UHRF2: variants seen among roughly 807,000 people sequenced by gnomAD.
The protein encoded by UHRF2 is E3 ubiquitin-protein ligase UHRF2.
A neutral mutation model predicts 96.8 loss-of-function variants in UHRF2; 23 were observed. That is an observed-to-expected ratio of 0.24 (90% CI 0.17 to 0.34). UHRF2 has a LOEUF of 0.34. Among genes scored for constraint, UHRF2 ranks in the 10% least tolerant of loss-of-function variants. The probability of loss-of-function intolerance (pLI) is 1.00; values close to 1 mark genes in which losing one functional copy is unlikely to be tolerated. For missense variants in UHRF2, 685 were observed against 981.5 expected (o/e 0.70, Z 4.04); for synonymous variants, 385 against 332.6 (o/e 1.16, Z -1.72).
At chr9:6,502,850 A>G (rs1191447075) in intron 14 of UHRF2, among the ~76,000 whole-genome samples, 2 of 152,168 alleles carry the variant, frequency 1.3e-5, no homozygotes, top group Non-Finnish European at 2.9e-5. Flanking sequence ...TCTCCACATA[A>G]TTGCCATATT....
intron 5 of UHRF2, among the ~76,000 whole-genome samples, chr9:6,476,567 T>C (rs968070536): frequency 6.6e-6 from 1 of 152,130 alleles, no homozygotes; most frequent in African/African-American, 2.4e-5. Flanking sequence ...TCTAGGTCTT[T>C]TAATTCATGA....
intron 1 of UHRF2, among the ~76,000 whole-genome samples, chr9:6,417,061 T>C (rs937720445): frequency 6.6e-6 from 1 of 152,168 alleles, no homozygotes; most frequent in Non-Finnish European, 1.5e-5. Flanking sequence ...ACATATATAA[T>C]ACACACATAT....
At chr9:6,461,431 G>A (rs924109437) in intron 4 of UHRF2, among the ~76,000 whole-genome samples, 9 of 137,564 alleles carry the variant, frequency 6.5e-5, no homozygotes, top group South Asian at 2.3e-4. Flanking sequence ...GGAGTGCAGC[G>A]GCATGATCTT....
chr9:6,423,545 T>G (rs1427388615), intron 2 of UHRF2, among the ~76,000 whole-genome samples: 1 of 152,200 alleles, frequency 6.6e-6, no homozygotes, highest in Non-Finnish European at 1.5e-5. Context: ...ATAAAATGTT[T>G]CAATATAATT....
At chr9:6,457,107 C>T (rs563910156) in intron 3 of UHRF2, among the ~76,000 whole-genome samples, 1 of 152,290 alleles carries the variant, frequency 6.6e-6, no homozygotes, top group South Asian at 2.1e-4. Flanking sequence ...GCAGTATGGG[C>T]ATTTTCACAA....
intron 3 of UHRF2, among the ~76,000 whole-genome samples, chr9:6,438,294 T>C (rs1820968032): frequency 6.6e-6 from 1 of 152,152 alleles, no homozygotes; most frequent in African/African-American, 2.4e-5. Context: ...CAACCATAGA[T>C]GGGAAGACTT....
chr9:6,469,778 A>G (rs1038297150), intron 4 of UHRF2, among the ~76,000 whole-genome samples: 5 of 150,188 alleles, frequency 3.3e-5, no homozygotes, highest in African/African-American at 4.9e-5. Flanking sequence ...ATATGTGTGT[A>G]TATATATGTA....
intron 4 of UHRF2, among the ~76,000 whole-genome samples, chr9:6,470,898 G>A (rs972968929): frequency 6.6e-6 from 1 of 152,130 alleles, no homozygotes; most frequent in Non-Finnish European, 1.5e-5. Context: ...AAAACATACA[G>A]TAAAATGGCA....
intron 4 of UHRF2, among the ~76,000 whole-genome samples, chr9:6,461,665 C>T (rs982696803): frequency 3.3e-4 from 50 of 152,002 alleles, no homozygotes; most frequent in Non-Finnish European, 2.2e-4. Flanking sequence ...AGCCACTGCG[C>T]CCAGCTTTCT....
chr9:6,444,280 G>T (rs1259989872), intron 3 of UHRF2, among the ~76,000 whole-genome samples: 1 of 152,198 alleles, frequency 6.6e-6, no homozygotes, highest in Non-Finnish European at 1.5e-5. Flanking sequence ...AAGACTTAGA[G>T]TATTTCCTCT....
chr9:6,420,426 C>T (rs951832946), intron 1 of UHRF2, among the ~76,000 whole-genome samples: 14 of 200 alleles, frequency 0.07, no homozygotes, highest in Non-Finnish European at 0.14. Context: ...AATTTATGGC[C>T]GGGTGCGGTG....
intron 2 of UHRF2, among the ~76,000 whole-genome samples, chr9:6,425,508 A>G (rs529397406): frequency 6.6e-6 from 1 of 151,966 alleles, no homozygotes; most frequent in South Asian, 2.1e-4. Context: ...TAATCCCAGC[A>G]CTTTGGGAGG....
At chr9:6,479,035 C>T (rs1823762097) in intron 6 of UHRF2, among the ~76,000 whole-genome samples, 1 of 152,118 alleles carries the variant, frequency 6.6e-6, no homozygotes, top group Admixed American at 6.5e-5. Context: ...TCAGTTAATT[C>T]CTCTCCCACG....
At chr9:6,499,658 A>G (rs1825161008) in intron 12 of UHRF2, 177 bp from the exon 13 acceptor site, 1 of 427,492 alleles carries the variant, frequency 2.3e-6, no homozygotes, top group East Asian at 3.8e-5. Context: ...TGGGATTTTA[A>G]TAGTTGTCTG....
chr9:6,414,656 G>C (rs1006707212), intron 1 of UHRF2, among the ~76,000 whole-genome samples: 2 of 152,140 alleles, frequency 1.3e-5, no homozygotes, highest in African/African-American at 4.8e-5. Flanking sequence ...CCAATCCTGT[G>C]GTTTTAAATA....
intron 4 of UHRF2, among the ~76,000 whole-genome samples, chr9:6,470,672 TG>T (rs1418891466): frequency 6.6e-6 from 1 of 152,076 alleles, no homozygotes; most frequent in African/African-American, 2.4e-5. Context: ...ATGCAGAAGA[TG>T]GGGTTGGTAA....
At chr9:6,505,206 C>G (rs202043383) in intron 15 of UHRF2, among the ~76,000 whole-genome samples, 1 of 152,038 alleles carries the variant, frequency 6.6e-6, no homozygotes, top group Non-Finnish European at 1.5e-5. Flanking sequence ...GGAAACAAAT[C>G]TACATACGAG....
At chr9:6,440,722 A>C (rs1267777736) in intron 3 of UHRF2, among the ~76,000 whole-genome samples, 1 of 152,194 alleles carries the variant, frequency 6.6e-6, no homozygotes, top group African/African-American at 2.4e-5. Context: ...TTTGTATATA[A>C]AAAGCATCTG....
At chr9:6,478,471 G>C (rs562172699) in intron 6 of UHRF2, among the ~76,000 whole-genome samples, 1 of 152,178 alleles carries the variant, frequency 6.6e-6, no homozygotes, top group Non-Finnish European at 1.5e-5. Context: ...ATTTAATCCT[G>C]TGACGTTGAT....
Sources: allele counts gnomAD v4.1 joint callset (sites outside exome capture counted in the v4.1 genomes callset), GRCh38; gene constraint gnomAD v4.1.1; transcripts MANE v1.5; gene names NCBI Gene and HGNC (gene_info 2026-07-23, HGNC 2026-07-21).